The following RIMS1 variants were observed in gnomAD, a reference collection of about 807,000 sequenced individuals.
RIMS1 encodes regulating synaptic membrane exocytosis 1, also known as regulating synaptic membrane exocytosis protein 1.
RIMS1 carries 83 observed loss-of-function variants against 214.1 expected under a neutral mutation model. The ratio of observed to expected loss-of-function variants is 0.39; its 90% confidence interval spans 0.32 to 0.47. The LOEUF (loss-of-function observed/expected upper bound fraction) is 0.47. Among genes scored for constraint, RIMS1 ranks in the 20% least tolerant of loss-of-function variants. The pLI is 0.99. For missense variants in RIMS1, 2,050 were observed against 2,161.8 expected (o/e 0.95, Z 1.03); for synonymous variants, 793 against 786.8 (o/e 1.01, Z -0.13).
intron 1 of RIMS1, among the ~76,000 whole-genome samples, chr6:71,941,161 T>C (rs904826169): frequency 6.6e-6 from 1 of 152,186 alleles, no homozygotes; most frequent in Non-Finnish European, 1.5e-5. Flanking sequence ...CGAATAAACC[T>C]ATGTAATTGT....
intron 6 of RIMS1, among the ~76,000 whole-genome samples, chr6:72,198,162 T>C (rs532489466): frequency 1.3e-5 from 2 of 152,228 alleles, no homozygotes; most frequent in Admixed American, 6.5e-5. Flanking sequence ...CACATGTTTA[T>C]TGAAGCACTA....
intron 26 of RIMS1, among the ~76,000 whole-genome samples, chr6:72,294,231 A>G (rs894523223): frequency 4.0e-5 from 6 of 151,754 alleles, no homozygotes; most frequent in African/African-American, 1.2e-4. Flanking sequence ...AATTTGATTT[A>G]TGAGTTAGAT....
intron 2 of RIMS1, among the ~76,000 whole-genome samples, chr6:72,046,024 A>G (rs1159495622): frequency 6.6e-6 from 1 of 152,098 alleles, no homozygotes; most frequent in Non-Finnish European, 1.5e-5. Flanking sequence ...TGTCAAAGAC[A>G]TAATTTTCTT....
chr6:72,361,659 C>A (rs993984427), intron 29 of RIMS1, among the ~76,000 whole-genome samples: 5 of 152,204 alleles, frequency 3.3e-5, no homozygotes, highest in African/African-American at 1.2e-4. Context: ...ATTATTACTT[C>A]TGGAGGCTCT....
chr6:71,927,979 A>G (rs572357960), intron 1 of RIMS1, among the ~76,000 whole-genome samples: 6 of 152,258 alleles, frequency 3.9e-5, no homozygotes, highest in African/African-American at 1.4e-4. Context: ...CTAGAAAGTT[A>G]GTATGGTCTG....
intron 4 of RIMS1, chr6:72,175,285 C>G (rs933056236): frequency 9.3e-6 from 2 of 215,634 alleles, no homozygotes; most frequent in African/African-American, 4.7e-5. Flanking sequence ...GAATCACAAT[C>G]TCTTTTTCTA....
chr6:72,247,138 A>G (rs975223392), intron 11 of RIMS1, among the ~76,000 whole-genome samples: 3 of 152,154 alleles, frequency 2.0e-5, no homozygotes, highest in Admixed American at 6.5e-5. Context: ...TCTCTGTGTC[A>G]GGGTATACTT....
intron 6 of RIMS1, among the ~76,000 whole-genome samples, chr6:72,232,743 G>T (rs952699154): frequency 1.3e-5 from 2 of 151,638 alleles, no homozygotes; most frequent in Admixed American, 6.6e-5. Context: ...GAAGTGTATG[G>T]AATTGAAGTG....
At chr6:72,030,556 T>C (rs988565110) in intron 2 of RIMS1, among the ~76,000 whole-genome samples, 2 of 152,146 alleles carry the variant, frequency 1.3e-5, no homozygotes, top group African/African-American at 4.8e-5. Flanking sequence ...CCATCATTTA[T>C]TTCTATGATT....
chr6:72,200,531 T>C (rs1302411338), intron 6 of RIMS1, among the ~76,000 whole-genome samples: 1 of 152,166 alleles, frequency 6.6e-6, no homozygotes, highest in African/African-American at 2.4e-5. Context: ...AGGGAAACAT[T>C]TGGACAATTG....
At chr6:71,897,818 G>GATGAATGA (rs3076621) in intron 1 of RIMS1, among the ~76,000 whole-genome samples, 7 of 151,776 alleles carry the variant, frequency 4.6e-5, no homozygotes, top group Admixed American at 2.6e-4. Flanking sequence ...TATATGGATG[G>GATGAATGA]ATGAATGAAT....
At chr6:71,916,186 A>G (rs560793425) in intron 1 of RIMS1, among the ~76,000 whole-genome samples, 1 of 152,256 alleles carries the variant, frequency 6.6e-6, no homozygotes, top group East Asian at 1.9e-4. Flanking sequence ...CAGAATAGGA[A>G]TTTCTCACTT....
chr6:71,909,011 G>A (rs1582347425), intron 1 of RIMS1, among the ~76,000 whole-genome samples: 1 of 151,674 alleles, frequency 6.6e-6, no homozygotes, highest in African/African-American at 2.4e-5. Context: ...TTATTTTGAG[G>A]CAGAGTCTCG....
chr6:72,050,180 G>A (rs945236231), intron 2 of RIMS1, among the ~76,000 whole-genome samples: 1 of 152,144 alleles, frequency 6.6e-6, no homozygotes, highest in Non-Finnish European at 1.5e-5. Context: ...ACAGACCTGT[G>A]TAGTGTTCTT....
chr6:72,096,952 A>G lies in RIMS1; in HGVS notation c.249A>G (p.Arg83=), dbSNP rs1175332197. The part of the protein sequence containing the change: ...AENQPHQPSP[R]LHQQFESYKE... ...TACCATTTTCTCTTTTGCCTAGGAG[A>G]TTGCATCAACAGTTTGAAAGCTATA... Residue 83 remains arginine, a synonymous_variant, in exon 3 of 34, where the codon AGA becomes AGG. Transcript: ENST00000521978. The G allele has an allele frequency of 9.9e-6, 16 of 1,612,706 alleles. No individual in the cohort carries two copies. The highest frequency in any genetic ancestry group is 1.7e-5 in the Admixed American group (1 of 59,894).
chr6:72,067,186 TA>T (rs1414725386), intron 2 of RIMS1, among the ~76,000 whole-genome samples: 1 of 152,176 alleles, frequency 6.6e-6, no homozygotes, highest in Non-Finnish European at 1.5e-5. Flanking sequence ...CTCCCCTGAT[TA>T]AAATACTACA....
intron 2 of RIMS1, among the ~76,000 whole-genome samples, chr6:72,080,189 G>A (rs111862633): frequency 0.12 from 18,109 of 150,388 alleles, 1,343 homozygotes; most frequent in South Asian, 0.19. Context: ...GCTGGAACCC[G>A]GGAGGCAGAG....
chr6:72,238,867 C>A (rs563583433), intron 9 of RIMS1, among the ~76,000 whole-genome samples: 1 of 152,144 alleles, frequency 6.6e-6, no homozygotes, highest in East Asian at 1.9e-4. Flanking sequence ...AAAGACTTTT[C>A]AGTATATTTG....
At chr6:72,303,667 A>T in intron 26 of RIMS1, among the ~76,000 whole-genome samples, 1 of 151,524 alleles carries the variant, frequency 6.6e-6, no homozygotes, top group East Asian at 1.9e-4. Context: ...GATTTGTGAC[A>T]TACATAGATT....
Sources: gnomAD v4.1 joint callset for allele counts (sites outside exome capture counted in the v4.1 genomes callset) on GRCh38, gnomAD v4.1.1 for gene constraint, MANE v1.5 for transcripts, NCBI Gene and HGNC (gene_info 2026-07-23, HGNC 2026-07-21) for gene names.